The following PRH1 variants were observed in gnomAD, a reference collection of about 807,000 sequenced individuals.
The protein encoded by PRH1 is proline rich protein HaeIII subfamily 1, also known as salivary acidic proline-rich phosphoprotein 1/2.
In PRH1, 7 loss-of-function variants were observed where a neutral mutation model predicts 7.9. That is an observed-to-expected ratio of 0.89 (90% CI 0.50 to 1.67). The LOEUF (loss-of-function observed/expected upper bound fraction) is 1.67, where lower values mean the gene tolerates loss of function less well. Ranked by LOEUF, PRH1 falls within the 40% of genes most tolerant of loss-of-function variation. The probability of loss-of-function intolerance (pLI) is 0.00; values close to 1 mark genes in which losing one functional copy is unlikely to be tolerated. For missense variants in PRH1, 109 were observed against 223.6 expected, an observed-to-expected ratio of 0.49 and a Z score of 3.27; for synonymous variants, 45 against 80.8, an observed-to-expected ratio of 0.56 and a Z score of 2.38.
intron 1 of PRH1, among the ~76,000 whole-genome samples, chr12:11,037,859 G>C (rs1942505331): frequency 6.6e-6 from 1 of 152,160 alleles, no homozygotes. Context: ...GGGCAACATG[G>C]CAAAACCTTG....
intron 2 of PRH1, among the ~76,000 whole-genome samples, chr12:10,955,453 T>C (rs993952323): frequency 2.2e-4 from 33 of 152,232 alleles, no homozygotes; most frequent in African/African-American, 7.5e-4. Context: ...GGAAAGTTCG[T>C]AGCAATAAAC....
At chr12:11,062,401 T>G (rs1378509612) in intron 1 of PRH1, 1 of 1,303,068 alleles carries the variant, frequency 7.7e-7, no homozygotes, top group Admixed American at 2.9e-5. Context: ...TTTGTGTATG[T>G]GCTGTGACAT....
intron 2 of PRH1, chr12:10,930,406 A>G: frequency 2.0e-6 from 3 of 1,510,822 alleles, no homozygotes; most frequent in South Asian, 1.1e-5. Flanking sequence ...GAATTGGCTA[A>G]TATCAGTGCC....
chr12:11,110,193 C>G (rs150523489), intron 1 of PRH1, among the ~76,000 whole-genome samples: 58 of 152,252 alleles, frequency 3.8e-4, no homozygotes, highest in African/African-American at 1.2e-3. Context: ...CTATGATTCA[C>G]TGGTGTACCT....
intron 2 of PRH1, chr12:10,964,903 A>C: frequency 1.7e-6 from 1 of 576,320 alleles, no homozygotes; most frequent in Non-Finnish European, 3.2e-6. Flanking sequence ...ACATACTCTC[A>C]TCCATGTTTA....
At chr12:10,926,939 TA>T (rs1254944051) in intron 2 of PRH1, among the ~76,000 whole-genome samples, 1 of 152,212 alleles carries the variant, frequency 6.6e-6, no homozygotes, top group Non-Finnish European at 1.5e-5. Flanking sequence ...CCACCCACTC[TA>T]GGTGCCCAAG....
At chr12:10,932,811 G>A (rs1302495206) in intron 2 of PRH1, among the ~76,000 whole-genome samples, 2 of 150,766 alleles carry the variant, frequency 1.3e-5, no homozygotes, top group East Asian at 1.9e-4. Context: ...TAATTTGAAG[G>A]GCAATTGCGT....
intron 1 of PRH1, among the ~76,000 whole-genome samples, chr12:11,036,026 TGGGACTACAG>T (rs1396028086): frequency 1.3e-5 from 2 of 152,112 alleles, no homozygotes; most frequent in East Asian, 3.9e-4. Flanking sequence ...CCGGAGTAGC[TGGGACTACAG>T]GAGCCTGCCA....
intron 2 of PRH1, among the ~76,000 whole-genome samples, chr12:10,902,061 G>T (rs933283944): frequency 6.6e-5 from 10 of 151,992 alleles, no homozygotes. Context: ...TCAAAGTATA[G>T]ATTGCAAGGA....
At chr12:10,910,135 T>C (rs1949874535) in intron 2 of PRH1, among the ~76,000 whole-genome samples, 1 of 152,160 alleles carries the variant, frequency 6.6e-6, no homozygotes, top group Admixed American at 6.6e-5. Context: ...ATACACTAGT[T>C]CCCCTTATCC....
chr12:10,965,355 C>T, intron 2 of PRH1: 1 of 1,127,246 alleles, frequency 8.9e-7, no homozygotes, highest in Non-Finnish European at 1.3e-6. Context: ...GTTATCATGT[C>T]TGAACAGACA....
At chr12:10,929,785 A>T (rs1430452611) in intron 2 of PRH1, among the ~76,000 whole-genome samples, 1 of 152,218 alleles carries the variant, frequency 6.6e-6, no homozygotes, top group Admixed American at 6.5e-5. Context: ...GCCTCTGTCT[A>T]CATAGAGTTA....
intron 1 of PRH1, among the ~76,000 whole-genome samples, chr12:11,045,054 C>A (rs1004408248): frequency 4.6e-5 from 7 of 152,082 alleles, no homozygotes; most frequent in Non-Finnish European, 8.8e-5. Flanking sequence ...TGGAAGCAAC[C>A]TGAGTGTCCA....
chr12:11,023,491 G>A (rs1941759721), intron 1 of PRH1, among the ~76,000 whole-genome samples: 1 of 152,044 alleles, frequency 6.6e-6, no homozygotes, highest in African/African-American at 2.4e-5. Context: ...ATATTTCTAA[G>A]TACCCTACTC....
Position 11,096,310 on chromosome 12 carries a change from C to T in PRH1, n.124-49122G>A, listed in dbSNP as rs570037327. Among the ~76,000 whole-genome samples the T allele has an allele frequency of 3.5e-5, 4 of 115,330 alleles. 2 individuals are homozygous for T. The South Asian group carries it at 9.5e-4, about 27-fold the overall frequency. The allele number at this position is 115,330 out of a possible 152,430, so 75.7% of individuals were successfully genotyped here. A position where few individuals can be genotyped will look rare whatever the true frequency, so the allele number is the denominator to read the frequency against. On this transcript the variant is annotated intron_variant and non_coding_transcript_variant, in intron 1 of 4. Transcript: ENST00000541977. ...TTATCTTCCAATTCACTAATTCTTT[C>T]TTATGTTTAACTGGTTGTTAACGCT...
At chr12:11,022,534 A>G (rs1291937722) in intron 1 of PRH1, 2 of 1,613,082 alleles carry the variant, frequency 1.2e-6, no homozygotes, top group African/African-American at 1.3e-5. Flanking sequence ...TGCAAACACT[A>G]CCAGAATTGA....
At chr12:11,168,980 C>T (rs1010634227) in intron 1 of PRH1, among the ~76,000 whole-genome samples, 1 of 152,144 alleles carries the variant, frequency 6.6e-6, no homozygotes, top group Admixed American at 6.5e-5. Context: ...CAAAAGGAAA[C>T]GTACTTTTTT....
In PRH1 at chr12:10,908,811, G is replaced by A. The variant is rs774795106; in HGVS notation, c.-58-24536C>T. The A allele has an allele frequency of 6.2e-6, 10 of 1,613,746 alleles. No homozygotes were observed. In the African/African-American group the frequency reaches 1.3e-4, roughly 22 times the overall value. ...GTCACTCATACTGAAATTCCAAGTT[G>A]TGTTTCTTTCATATCGGTCCAGCCA... On this transcript the variant is annotated intron_variant, in intron 2 of 3. Transcript: ENST00000539853.
intron 1 of PRH1, chr12:11,078,427 CTG>C: frequency 6.3e-6 from 1 of 158,574 alleles, no homozygotes; most frequent in East Asian, 1.0e-4. Flanking sequence ...GAGTTCAAAG[CTG>C]TCTTCATAGA....
Sources: allele counts gnomAD v4.1 joint callset (sites outside exome capture counted in the v4.1 genomes callset), GRCh38; gene constraint gnomAD v4.1.1; transcripts MANE v1.5; gene names NCBI Gene and HGNC (gene_info 2026-07-23, HGNC 2026-07-21).